The following COL14A1 variants were observed in gnomAD, a reference collection of about 807,000 sequenced individuals.
COL14A1 encodes the protein collagen type XIV alpha 1 chain, also known as collagen alpha-1(XIV) chain.
COL14A1 carries 136 observed loss-of-function variants against 230.3 expected under a neutral mutation model. The observed-to-expected ratio is 0.59, with a 90% confidence interval of 0.51 to 0.68. The LOEUF is 0.68. Among genes scored for constraint, COL14A1 ranks in the 30% least tolerant of loss-of-function variants. The probability of loss-of-function intolerance (pLI) is 0.00; values close to 1 mark genes in which losing one functional copy is unlikely to be tolerated. For missense variants in COL14A1, 1,976 were observed against 2,215.8 expected, an observed-to-expected ratio of 0.89 and a Z score of 2.17; for synonymous variants, 792 against 784.1, an observed-to-expected ratio of 1.01 and a Z score of -0.17.
chr8:120,190,634 T>C (rs1816791781), intron 5 of COL14A1, among the ~76,000 whole-genome samples: 3 of 152,228 alleles, frequency 2.0e-5, no homozygotes. Context: ...AGCTCCTCTT[T>C]GTACCTCTGG....
intron 45 of COL14A1, among the ~76,000 whole-genome samples, chr8:120,354,050 AC>A (rs1456002857): frequency 7.9e-6 from 1 of 126,820 alleles, no homozygotes; most frequent in Non-Finnish European, 1.6e-5. Flanking sequence ...ACCATGGAAT[AC>A]TATGCAGCCA....
At chr8:120,134,401 T>G (rs4271006) in intron 1 of COL14A1, among the ~76,000 whole-genome samples, 125,753 of 152,120 alleles carry the variant, frequency 0.83, 52,476 homozygotes, top group African/African-American at 0.95. Context: ...TAAGTGGTAT[T>G]GGACTAATTG....
At chr8:120,222,565 C>A (rs1343464406) in intron 14 of COL14A1, among the ~76,000 whole-genome samples, 4 of 152,164 alleles carry the variant, frequency 2.6e-5, no homozygotes, top group Admixed American at 2.0e-4. Flanking sequence ...AGAAGAGTGG[C>A]TCAGTACAGC....
chr8:120,264,317 A>G lies in COL14A1; in HGVS notation c.3016+1303A>G, dbSNP rs188801300. On this transcript the variant is annotated intron_variant, in intron 24 of 47. Coordinates refer to ENST00000297848, the MANE Select transcript of COL14A1 (RefSeq NM_021110.4). ...TTGTTTCTTTTTATTGCTGATTAGA[A>G]TTCCATCTTATGGATTGTAAATCAT... is the stretch of plus-strand genomic sequence containing the variant. Among the ~76,000 whole-genome samples, 49 of 152,292 alleles carry G rather than the reference A, an allele frequency of 3.2e-4. No homozygotes were observed. The East Asian group carries it at 6.4e-3, about 20-fold the overall frequency.
At chr8:120,308,385 C>T (rs949761440) in intron 36 of COL14A1, among the ~76,000 whole-genome samples, 5 of 152,166 alleles carry the variant, frequency 3.3e-5, no homozygotes, top group Admixed American at 6.5e-5. Context: ...AAGGTTCAGA[C>T]AACTATGCAA....
At chr8:120,228,811 T>C (rs373561373) in intron 18 of COL14A1, 42 bp downstream of exon 18, 126 of 1,519,824 alleles carry the variant, frequency 8.3e-5, no homozygotes, top group Non-Finnish European at 1.1e-4. Context: ...TTAAAAATTT[T>C]CTTTAAACAG....
intron 46 of COL14A1, among the ~76,000 whole-genome samples, chr8:120,368,103 G>C (rs928401147): frequency 6.6e-6 from 1 of 152,160 alleles, no homozygotes; most frequent in Non-Finnish European, 1.5e-5. Context: ...GTGAGCACTA[G>C]TATTTCCTGC....
intron 5 of COL14A1, among the ~76,000 whole-genome samples, chr8:120,174,146 A>G (rs1461953883): frequency 3.3e-5 from 5 of 152,152 alleles, no homozygotes; most frequent in Non-Finnish European, 7.3e-5. Flanking sequence ...CCCCTCCTAT[A>G]TAATCAAATG....
chr8:120,215,191 G>T (rs1414015925), intron 13 of COL14A1, among the ~76,000 whole-genome samples: 1 of 152,086 alleles, frequency 6.6e-6, no homozygotes, highest in Non-Finnish European at 1.5e-5. Flanking sequence ...CCAACATGGT[G>T]AAACCCCCGT....
chr8:120,159,235 C>A (rs1233902076), intron 3 of COL14A1, among the ~76,000 whole-genome samples: 1 of 152,082 alleles, frequency 6.6e-6, no homozygotes, highest in Non-Finnish European at 1.5e-5. Flanking sequence ...AAAAAGATCC[C>A]CAGGTGATTC....
chr8:120,209,101 C>T (rs557386338), intron 11 of COL14A1, among the ~76,000 whole-genome samples: 142 of 152,292 alleles, frequency 9.3e-4, no homozygotes, highest in African/African-American at 3.4e-3. Context: ...AACAATCTGT[C>T]GGATGAGTGT....
chr8:120,200,717 A>T (rs979945169), intron 8 of COL14A1, among the ~76,000 whole-genome samples: 6 of 4,556 alleles, frequency 1.3e-3, no homozygotes, highest in East Asian at 0.043. Flanking sequence ...TTTCCTATTT[A>T]TATATATATA....
rs184658685 is a variant in COL14A1 at position 120,324,854 on chromosome 8, G to A, written c.4660-7287G>A. 2.4e-4 allele frequency among the ~76,000 whole-genome samples: 36 copies of A among 152,212 alleles called. No homozygotes were observed. The East Asian group carries it at 5.2e-3, about 22-fold the overall frequency. On this transcript the variant is annotated intron_variant, in intron 40 of 47. Coordinates refer to ENST00000297848, the MANE Select transcript of COL14A1 (RefSeq NM_021110.4). ...AAACAAGTATTCTCCTTTCTGACTT[G>A]ATTTTCAGTTGCAACACTATTTGTG...
intron 5 of COL14A1, among the ~76,000 whole-genome samples, chr8:120,196,075 C>T (rs376772806): frequency 6.6e-6 from 1 of 152,146 alleles, no homozygotes; most frequent in African/African-American, 2.4e-5. Context: ...AACATAGGTA[C>T]CATGGCCACT....
chr8:120,231,489 C>T lies in COL14A1; in HGVS notation c.2220C>T (p.Asn740=). Residue 740 remains asparagine, a synonymous_variant, in exon 19 of 48, where the codon AAC becomes AAT. Coordinates refer to ENST00000297848, the MANE Select transcript of COL14A1 (RefSeq NM_021110.4). ...CAGTTTTCCAGACGGGAATCAGAAA[C>T]CTAGTTGTAGGTGATGAAACTACTT... ...VTSVFQTGIR[N]LVVGDETTSS... is the part of the protein sequence containing the mutation. 1 of 1,613,010 alleles carries T rather than the reference C, an allele frequency of 6.2e-7. No individual in the cohort carries two copies. Among genetic ancestry groups the T allele is most frequent in the Non-Finnish European group, 8.5e-7 (1 of 1,179,736 alleles).
chr8:120,262,840 T>TTTTTG, intron 23 of COL14A1, 28 bp from the exon 24 acceptor site: 1 of 1,582,896 alleles, frequency 6.3e-7, no homozygotes, highest in Non-Finnish European at 8.5e-7. Flanking sequence ...TATGTGTGTG[T>TTTTTG]TTTTGTTTTG....
intron 23 of COL14A1, 58 bp from the exon 24 acceptor site, chr8:120,262,810 G>A (rs541336846): frequency 3.2e-6 from 5 of 1,541,292 alleles, no homozygotes; most frequent in Non-Finnish European, 4.4e-6. Context: ...TCTGCCAATG[G>A]CTGTGTTTCA....
intron 1 of COL14A1, among the ~76,000 whole-genome samples, chr8:120,144,813 G>A (rs1393674878): frequency 1.3e-5 from 2 of 152,068 alleles, no homozygotes; most frequent in Non-Finnish European, 1.5e-5. Context: ...TCAGATAACA[G>A]TGTTGGAAAG....
chr8:120,272,718 A>G (rs557364480), intron 26 of COL14A1, among the ~76,000 whole-genome samples: 1 of 151,942 alleles, frequency 6.6e-6, no homozygotes, highest in African/African-American at 2.4e-5. Context: ...TTATATAATG[A>G]TAAAAGGATT....
Sources: allele counts gnomAD v4.1 joint callset (sites outside exome capture counted in the v4.1 genomes callset), GRCh38; gene constraint gnomAD v4.1.1; transcripts MANE v1.5; gene names NCBI Gene and HGNC (gene_info 2026-07-23, HGNC 2026-07-21).